Variants in PCDH7 observed in about 807,000 individuals in gnomAD.
PCDH7 encodes protocadherin-7.
A neutral mutation model predicts 58.9 loss-of-function variants in PCDH7; 17 were observed. That is an observed-to-expected ratio of 0.29 (90% CI 0.20 to 0.43). The LOEUF (loss-of-function observed/expected upper bound fraction) is 0.43, where lower values mean the gene tolerates loss of function less well. PCDH7 is among the 20% of genes least tolerant of loss of function. The pLI is 1.00. For missense variants in PCDH7, 1,274 were observed against 1,441.0 expected, an observed-to-expected ratio of 0.88 and a Z score of 1.88; for synonymous variants, 664 against 616.4, an observed-to-expected ratio of 1.08 and a Z score of -1.14.
chr4:31,042,254 G>A (rs376186517), intron 3 of PCDH7, among the ~76,000 whole-genome samples: 1 of 152,254 alleles, frequency 6.6e-6, no homozygotes, highest in East Asian at 1.9e-4. Context: ...GCAAAGTCAA[G>A]CAATGCTTTC....
chr4:30,745,940 A>G (rs1014725054), intron 1 of PCDH7, among the ~76,000 whole-genome samples: 9 of 152,094 alleles, frequency 5.9e-5, no homozygotes, highest in African/African-American at 2.2e-4. Context: ...CCCAGGTTCA[A>G]GTGATTCTCC....
intron 3 of PCDH7, among the ~76,000 whole-genome samples, chr4:30,963,950 C>G (rs755158036): frequency 6.6e-6 from 1 of 152,162 alleles, no homozygotes; most frequent in African/African-American, 2.4e-5. Context: ...ATATATTAAG[C>G]ACAAACATAT....
At chr4:30,818,601 A>G (rs1259957816) in intron 1 of PCDH7, among the ~76,000 whole-genome samples, 1 of 152,158 alleles carries the variant, frequency 6.6e-6, no homozygotes, top group Non-Finnish European at 1.5e-5. Context: ...AGTAACCCTC[A>G]GATTTGCTCC....
chr4:30,806,268 T>C (rs1215663991), intron 1 of PCDH7, among the ~76,000 whole-genome samples: 1 of 152,068 alleles, frequency 6.6e-6, no homozygotes, highest in Non-Finnish European at 1.5e-5. Context: ...TTCACTAAAA[T>C]CCACTCTGAC....
chr4:31,016,624 G>A (rs780249509), intron 3 of PCDH7, among the ~76,000 whole-genome samples: 1 of 152,044 alleles, frequency 6.6e-6, no homozygotes, highest in Non-Finnish European at 1.5e-5. Flanking sequence ...AAGATGGGTA[G>A]CATTTGTTAA....
intron 1 of PCDH7, among the ~76,000 whole-genome samples, chr4:30,740,385 A>T (rs1716901243): frequency 6.6e-6 from 1 of 152,222 alleles, no homozygotes; most frequent in South Asian, 2.1e-4. Context: ...AAAACAAAAG[A>T]TGGGAAGATG....
At chr4:30,828,579 T>C (rs1476783680) in intron 1 of PCDH7, among the ~76,000 whole-genome samples, 4 of 151,896 alleles carry the variant, frequency 2.6e-5, no homozygotes, top group African/African-American at 9.7e-5. Flanking sequence ...AAAAAGGTAA[T>C]GAAAAAATGT....
intron 3 of PCDH7, among the ~76,000 whole-genome samples, chr4:30,957,339 T>G (rs1747964428): frequency 6.6e-6 from 1 of 152,208 alleles, no homozygotes. Flanking sequence ...GAAAAATGTC[T>G]TCAGACACCA....
intron 1 of PCDH7, among the ~76,000 whole-genome samples, chr4:30,845,805 C>G (rs1194032606): frequency 6.6e-6 from 1 of 152,096 alleles, no homozygotes; most frequent in Non-Finnish European, 1.5e-5. Flanking sequence ...ATTGCCCAGG[C>G]TGGTCTTGAA....
At chr4:31,091,432 T>A (rs1713235785) in intron 3 of PCDH7, among the ~76,000 whole-genome samples, 1 of 151,804 alleles carries the variant, frequency 6.6e-6, no homozygotes. Flanking sequence ...ACTTTTTAAT[T>A]TGAAAAGGAA....
intron 1 of PCDH7, among the ~76,000 whole-genome samples, chr4:30,868,011 T>A (rs1560450680): frequency 6.6e-6 from 1 of 152,030 alleles, no homozygotes. Flanking sequence ...GAAGCCACAT[T>A]AGTTATTATT....
intron 1 of PCDH7, chr4:30,885,022 A>G (rs546521520): frequency 7.2e-5 from 11 of 152,306 alleles, no homozygotes; most frequent in African/African-American, 2.6e-4. Flanking sequence ...GATGAAGGGT[A>G]AGATGAAATG....
At chr4:30,939,010 T>C (rs1029271364) in intron 2 of PCDH7, among the ~76,000 whole-genome samples, 3 of 152,162 alleles carry the variant, frequency 2.0e-5, no homozygotes, top group Non-Finnish European at 4.4e-5. Flanking sequence ...TTTAAGGCTA[T>C]TTCAGTGGAC....
At chr4:30,817,803 G>C (rs575477817) in intron 1 of PCDH7, among the ~76,000 whole-genome samples, 39 of 152,186 alleles carry the variant, frequency 2.6e-4, no homozygotes, top group Middle Eastern at 3.4e-3. Flanking sequence ...TGGTCTCCCT[G>C]CTTCCAACCC....
chr4:30,851,812 A>C (rs2109346943), intron 1 of PCDH7, among the ~76,000 whole-genome samples: 1 of 152,128 alleles, frequency 6.6e-6, no homozygotes, highest in Admixed American at 6.6e-5. Flanking sequence ...GGTAAACTCG[A>C]TGGAAAGTGA....
Position 31,041,103 on chromosome 4 carries a change from A to G in PCDH7, c.*7+90888A>G, listed in dbSNP as rs1755823831. Among the ~76,000 whole-genome samples, 2 of 152,186 alleles carry G rather than the reference A, an allele frequency of 1.3e-5. 1 individual carries two copies. Among genetic ancestry groups the G allele is most frequent in the East Asian group, 3.9e-4 (2 of 5,190 alleles). ...CTGTAATACTTCACAAATTTGGAAC[A>G]TCAACTCTATAAGGGATTTAGTTTT... On this transcript the variant is annotated intron_variant, in intron 3 of 3. Coordinates refer to the PCDH7 transcript ENST00000509759.
chr4:30,864,468 C>CACACACAT (rs5857209), intron 1 of PCDH7, among the ~76,000 whole-genome samples: 14 of 144,168 alleles, frequency 9.7e-5, no homozygotes, highest in African/African-American at 3.3e-4. Context: ...CACACACACA[C>CACACACAT]ATTTTTTGTT....
intron 3 of PCDH7, among the ~76,000 whole-genome samples, chr4:30,998,419 G>A (rs1437445146): frequency 6.6e-6 from 1 of 151,988 alleles, no homozygotes; most frequent in East Asian, 1.9e-4. Context: ...CCCAGCTGGT[G>A]TTTTTTTGTA....
chr4:30,755,258 G>C (rs1257343386), intron 1 of PCDH7, among the ~76,000 whole-genome samples: 10 of 152,194 alleles, frequency 6.6e-5, no homozygotes, highest in Admixed American at 3.3e-4. Context: ...AAAAATTACA[G>C]ATGTTTCTCT....
Sources: allele counts gnomAD v4.1 joint callset (sites outside exome capture counted in the v4.1 genomes callset), GRCh38; gene constraint gnomAD v4.1.1; transcripts MANE v1.5; gene names NCBI Gene and HGNC (gene_info 2026-07-23, HGNC 2026-07-21).